The following DLGAP2 variants were observed in gnomAD, a reference collection of about 807,000 sequenced individuals.
DLGAP2 encodes disks large-associated protein 2.
Under a neutral mutation model 100.3 loss-of-function variants are expected in DLGAP2, and 26 were observed. The observed-to-expected ratio is 0.26, with a 90% CI of 0.19 to 0.36. The LOEUF is 0.36. DLGAP2 is among the 10% of genes least tolerant of loss of function. DLGAP2 has a pLI of 1.00. For synonymous variants in DLGAP2, 886 were observed against 630.1 expected (o/e 1.41, Z -6.08); for missense variants, 1,858 against 1,453.2 (o/e 1.28, Z -4.53).
At chr8:1,372,559 A>C (rs1802267654) in intron 3 of DLGAP2, among the ~76,000 whole-genome samples, 1 of 152,056 alleles carries the variant, frequency 6.6e-6, no homozygotes, top group Admixed American at 6.5e-5. Flanking sequence ...TAGGAGCATC[A>C]CTGGCTGCTG....
At chr8:1,354,667 G>T in intron 3 of DLGAP2, among the ~76,000 whole-genome samples, 1 of 109,778 alleles carries the variant, frequency 9.1e-6, no homozygotes, top group African/African-American at 3.6e-5. Context: ...GGAAAGTCAC[G>T]GATGATGCTG....
At chr8:989,290 A>C (rs1241017799) in intron 2 of DLGAP2, among the ~76,000 whole-genome samples, 1 of 151,750 alleles carries the variant, frequency 6.6e-6, no homozygotes, top group African/African-American at 2.4e-5. Flanking sequence ...CCCACATCCT[A>C]ACCTCCTCTC....
chr8:1,048,087 T>A (rs909193993), intron 2 of DLGAP2, among the ~76,000 whole-genome samples: 3 of 152,160 alleles, frequency 2.0e-5, no homozygotes, highest in Non-Finnish European at 4.4e-5. Flanking sequence ...GAATTTCCGC[T>A]GGAAAGTATT....
At chr8:1,446,669 A>T (rs1377753390) in intron 3 of DLGAP2, among the ~76,000 whole-genome samples, 2 of 152,184 alleles carry the variant, frequency 1.3e-5, no homozygotes, top group Non-Finnish European at 2.9e-5. Context: ...TTGAATGTAT[A>T]AATTACCTTG....
At chr8:1,218,600 C>G (rs1187326295) in intron 2 of DLGAP2, among the ~76,000 whole-genome samples, 2 of 151,820 alleles carry the variant, frequency 1.3e-5, no homozygotes, top group African/African-American at 4.8e-5. Context: ...TTGCTTTGGA[C>G]TTTTGTGGCT....
At chr8:1,209,451 A>C (rs1409061060) in intron 2 of DLGAP2, among the ~76,000 whole-genome samples, 1 of 152,196 alleles carries the variant, frequency 6.6e-6, no homozygotes, top group South Asian at 2.1e-4. Flanking sequence ...TTGCATATGT[A>C]GTCCTAGATC....
At chr8:1,627,791 C>T in intron 7 of DLGAP2, among the ~76,000 whole-genome samples, 1 of 151,652 alleles carries the variant, frequency 6.6e-6, no homozygotes, top group South Asian at 2.1e-4. Context: ...GGATTAAGAG[C>T]CTGAGCCGAC....
chr8:897,875 G>C (rs1798175024), intron 1 of DLGAP2, among the ~76,000 whole-genome samples: 1 of 152,136 alleles, frequency 6.6e-6, no homozygotes, highest in South Asian at 2.1e-4. Flanking sequence ...GTTTCTCTGG[G>C]GACCAGGCTT....
At chr8:1,362,746 C>G (rs1257567018) in intron 3 of DLGAP2, among the ~76,000 whole-genome samples, 1 of 152,242 alleles carries the variant, frequency 6.6e-6, no homozygotes, top group Non-Finnish European at 1.5e-5. Flanking sequence ...GCCTTAGTGT[C>G]AAGCAACAGC....
intron 13 of DLGAP2, among the ~76,000 whole-genome samples, chr8:1,695,368 C>T (rs980966885): frequency 1.4e-5 from 2 of 144,022 alleles, no homozygotes; most frequent in South Asian, 2.1e-4. Context: ...CAGCCATGCC[C>T]GGCCCTACAG....
intron 2 of DLGAP2, among the ~76,000 whole-genome samples, chr8:1,179,429 G>T (rs977853735): frequency 2.6e-5 from 4 of 152,234 alleles, no homozygotes; most frequent in African/African-American, 9.6e-5. Context: ...TTTCTGGGAA[G>T]GCTCAGCTCC....
chr8:1,544,867 C>T lies in DLGAP2; in HGVS notation c.173-3759C>T, dbSNP rs372933792. ...CCTGCATCAGCCTCCTGAGTAGCTG[C>T]GATTACAGGCATGCGCCACCATGCC... On this transcript the variant is annotated intron_variant, in intron 4 of 14. Transcript: ENST00000637795. 5.9e-5 allele frequency among the ~76,000 whole-genome samples: 9 copies of T among 151,768 alleles called. No homozygotes were observed. The South Asian group carries it at 1.0e-3, about 18-fold the overall frequency.
chr8:1,204,695 C>T (rs1296714370), intron 2 of DLGAP2, among the ~76,000 whole-genome samples: 7 of 152,218 alleles, frequency 4.6e-5, no homozygotes, highest in South Asian at 4.2e-4. Flanking sequence ...AGATCCTTGA[C>T]ATCTGCCTGG....
At chr8:914,475 G>A (rs895646661) in intron 2 of DLGAP2, among the ~76,000 whole-genome samples, 1 of 151,962 alleles carries the variant, frequency 6.6e-6, no homozygotes, top group African/African-American at 2.4e-5. Flanking sequence ...AATAGTGTTG[G>A]GACCACAGGT....
At chr8:934,617 C>T (rs935079421) in intron 2 of DLGAP2, among the ~76,000 whole-genome samples, 4 of 152,106 alleles carry the variant, frequency 2.6e-5, no homozygotes, top group Non-Finnish European at 4.4e-5. Context: ...TGGCTATTCC[C>T]GGCTTGTGGT....
intron 3 of DLGAP2, among the ~76,000 whole-genome samples, chr8:1,411,612 G>A (rs1379728143): frequency 3.3e-5 from 5 of 152,184 alleles, no homozygotes; most frequent in Non-Finnish European, 4.4e-5. Flanking sequence ...TGAGGGCCTC[G>A]TGCTCCTCCT....
intron 2 of DLGAP2, among the ~76,000 whole-genome samples, chr8:1,156,237 C>G (rs954463533): frequency 2.6e-5 from 4 of 152,254 alleles, no homozygotes; most frequent in Non-Finnish European, 4.4e-5. Context: ...AACCTGAAAC[C>G]CAGGACCCGG....
At chr8:1,045,142 A>G (rs527717843) in intron 2 of DLGAP2, among the ~76,000 whole-genome samples, 2 of 152,344 alleles carry the variant, frequency 1.3e-5, no homozygotes, top group African/African-American at 4.8e-5. Flanking sequence ...ACCCTGGTCT[A>G]GACTTCCCTG....
intron 3 of DLGAP2, among the ~76,000 whole-genome samples, chr8:1,329,108 A>C (rs980196181): frequency 6.6e-6 from 1 of 152,240 alleles, no homozygotes; most frequent in African/African-American, 2.4e-5. Context: ...GTGGGAAGAA[A>C]AGTCTTCAGA....
Sources: allele counts gnomAD v4.1 joint callset (sites outside exome capture counted in the v4.1 genomes callset), GRCh38; gene constraint gnomAD v4.1.1; transcripts MANE v1.5; gene names NCBI Gene and HGNC (gene_info 2026-07-23, HGNC 2026-07-21).